EPHB1: variants seen among roughly 807,000 people sequenced by gnomAD.
EPHB1 encodes EPH receptor B1.
EPHB1 carries 30 observed loss-of-function variants against 94.4 expected under a neutral mutation model. The observed-to-expected ratio is 0.32, with a 90% CI of 0.24 to 0.43. The LOEUF is 0.43. EPHB1 is among the 20% of genes least tolerant of loss of function. The pLI, the probability that EPHB1 is intolerant of heterozygous loss-of-function variation, is 1.00. For synonymous variants in EPHB1, 522 were observed against 489.1 expected, an observed-to-expected ratio of 1.07 and a Z score of -0.89; for missense variants, 1,055 against 1,308.3, an observed-to-expected ratio of 0.81 and a Z score of 2.99.
At chr3:135,040,006 T>C (rs1360444636) in intron 3 of EPHB1, among the ~76,000 whole-genome samples, 1 of 152,186 alleles carries the variant, frequency 6.6e-6, no homozygotes. Flanking sequence ...ACTGAATACA[T>C]TGAGGGACTG....
chr3:134,970,783 C>T (rs1295152768), intron 3 of EPHB1, among the ~76,000 whole-genome samples: 1 of 152,202 alleles, frequency 6.6e-6, no homozygotes, highest in African/African-American at 2.4e-5. Flanking sequence ...CTCTGTCTCA[C>T]ACGTTCATCA....
At position 135,229,708 on chromosome 3, in the gene EPHB1, C is replaced by A. The variant is rs1415268837; in HGVS notation, c.2347-11440C>A. On this transcript the variant is annotated intron_variant, in intron 12 of 15. Transcript: ENST00000398015. The stretch of plus-strand genomic sequence containing the variant: ...GCAGGGGCCAGTCTCCATCTGAGAG[C>A]CCCAACCTTCTCCAGAGACAGAGCA... Among the ~76,000 whole-genome samples, 4 of 152,148 alleles carry A rather than the reference C, an allele frequency of 2.6e-5. No homozygotes were observed. In the South Asian group the frequency reaches 6.2e-4, roughly 24 times the overall value.
intron 15 of EPHB1, among the ~76,000 whole-genome samples, chr3:135,251,362 T>G (rs1933088231): frequency 6.6e-6 from 1 of 152,190 alleles, no homozygotes; most frequent in Non-Finnish European, 1.5e-5. Flanking sequence ...TTATGAAGAC[T>G]GGCTACTCCC....
chr3:135,173,389 C>T (rs1014023196), intron 9 of EPHB1, among the ~76,000 whole-genome samples: 1 of 152,156 alleles, frequency 6.6e-6, no homozygotes, highest in Non-Finnish European at 1.5e-5. Flanking sequence ...CTTTGGGAGA[C>T]AGATGTTCAG....
intron 3 of EPHB1, among the ~76,000 whole-genome samples, chr3:135,074,335 T>C (rs928072966): frequency 1.3e-5 from 2 of 152,264 alleles, no homozygotes; most frequent in Non-Finnish European, 2.9e-5. Flanking sequence ...GTTGAATGAA[T>C]GAGAAATTGA....
chr3:135,226,602 G>A (rs1324312737), intron 12 of EPHB1, among the ~76,000 whole-genome samples: 2 of 152,142 alleles, frequency 1.3e-5, no homozygotes, highest in Non-Finnish European at 2.9e-5. Context: ...GGCTCTGCAC[G>A]GCTGTGATAA....
chr3:134,869,440 A>G (rs2037450144), intron 1 of EPHB1, among the ~76,000 whole-genome samples: 2 of 152,128 alleles, frequency 1.3e-5, no homozygotes, highest in Non-Finnish European at 2.9e-5. Flanking sequence ...AATAATAGCA[A>G]CAGTTTTTTT....
chr3:134,922,003 G>A (rs775377517), intron 1 of EPHB1, among the ~76,000 whole-genome samples: 3 of 152,172 alleles, frequency 2.0e-5, no homozygotes, highest in African/African-American at 4.8e-5. Flanking sequence ...TCCACCATGC[G>A]TGTGCCCTTC....
chr3:135,171,650 T>G (rs1162237131), intron 9 of EPHB1, among the ~76,000 whole-genome samples: 1 of 152,208 alleles, frequency 6.6e-6, no homozygotes, highest in Non-Finnish European at 1.5e-5. Flanking sequence ...AGACCTAACT[T>G]GCTGTTTATT....
At chr3:134,816,417 G>A (rs906795881) in intron 1 of EPHB1, among the ~76,000 whole-genome samples, 1 of 151,930 alleles carries the variant, frequency 6.6e-6, no homozygotes, top group African/African-American at 2.4e-5. Flanking sequence ...AAGCAGTTGA[G>A]TGTTGGATTC....
chr3:135,040,309 A>G (rs1936792494), intron 3 of EPHB1, among the ~76,000 whole-genome samples: 1 of 152,214 alleles, frequency 6.6e-6, no homozygotes, highest in South Asian at 2.1e-4. Flanking sequence ...TAAGTGTGCA[A>G]TAAGCCCAAG....
intron 1 of EPHB1, among the ~76,000 whole-genome samples, chr3:134,800,473 C>A (rs1001824108): frequency 2.0e-5 from 3 of 152,096 alleles, no homozygotes; most frequent in African/African-American, 7.3e-5. Flanking sequence ...TAGTGTTTCC[C>A]AGACTTCAGG....
At chr3:135,205,659 A>G (rs1374436832) in intron 12 of EPHB1, among the ~76,000 whole-genome samples, 1 of 152,176 alleles carries the variant, frequency 6.6e-6, no homozygotes, top group East Asian at 1.9e-4. Flanking sequence ...AGAATTTGGC[A>G]GAGAACAGTC....
At chr3:135,173,556 C>G (rs1038496938) in intron 9 of EPHB1, among the ~76,000 whole-genome samples, 1 of 152,216 alleles carries the variant, frequency 6.6e-6, no homozygotes, top group South Asian at 2.1e-4. Flanking sequence ...GCTGGGCACC[C>G]ATGACCCCTG....
At chr3:135,121,959 T>C (rs1576404841) in intron 4 of EPHB1, among the ~76,000 whole-genome samples, 1 of 152,200 alleles carries the variant, frequency 6.6e-6, no homozygotes, top group Non-Finnish European at 1.5e-5. Context: ...ACCTATGTTA[T>C]GCCATTTGAT....
chr3:135,131,958 C>A (rs1368371124), intron 4 of EPHB1, among the ~76,000 whole-genome samples: 2 of 152,166 alleles, frequency 1.3e-5, no homozygotes, highest in African/African-American at 4.8e-5. Context: ...GCTTTACTTC[C>A]CCTTTCTATT....
At chr3:134,920,532 G>T (rs2038663002) in intron 1 of EPHB1, among the ~76,000 whole-genome samples, 1 of 152,112 alleles carries the variant, frequency 6.6e-6, no homozygotes, top group Non-Finnish European at 1.5e-5. Flanking sequence ...GAAAAGGCCT[G>T]GAAGCTGCTA....
chr3:135,161,310 TG>T (rs556867990), intron 6 of EPHB1, among the ~76,000 whole-genome samples: 232 of 150,992 alleles, frequency 1.5e-3, no homozygotes, highest in African/African-American at 5.4e-3. Flanking sequence ...CCAGAGTAGG[TG>T]GGGGGGATGA....
At chr3:135,061,844 G>A (rs868508905) in intron 3 of EPHB1, among the ~76,000 whole-genome samples, 15 of 152,130 alleles carry the variant, frequency 9.9e-5, no homozygotes, top group East Asian at 5.8e-4. Context: ...GAGAACATGC[G>A]GTGTTTGGTT....
Sources: gnomAD v4.1 joint callset for allele counts (sites outside exome capture counted in the v4.1 genomes callset) on GRCh38, gnomAD v4.1.1 for gene constraint, MANE v1.5 for transcripts, NCBI Gene and HGNC (gene_info 2026-07-23, HGNC 2026-07-21) for gene names.